The following AUTS2 variants were observed in gnomAD, a reference collection of about 807,000 sequenced individuals.
The protein encoded by AUTS2 is autism susceptibility gene 2 protein.
AUTS2 carries 17 observed loss-of-function variants against 112.4 expected under a neutral mutation model. The observed-to-expected ratio is 0.15, with a 90% CI of 0.10 to 0.23. The LOEUF is 0.23. Among genes scored for constraint, AUTS2 ranks in the 10% least tolerant of loss-of-function variants. The pLI, the probability that AUTS2 is intolerant of heterozygous loss-of-function variation, is 1.00. For missense variants in AUTS2, 1,510 were observed against 1,701.6 expected (o/e 0.89, Z 1.98); for synonymous variants, 751 against 702.7 (o/e 1.07, Z -1.09).
intron 4 of AUTS2, among the ~76,000 whole-genome samples, chr7:70,166,339 G>A (rs1041179769): frequency 6.6e-6 from 1 of 152,232 alleles, no homozygotes. Flanking sequence ...TATATGGCTT[G>A]CAAAGTCTAA....
chr7:70,450,704 A>G (rs1187400724), intron 5 of AUTS2, among the ~76,000 whole-genome samples: 3 of 152,186 alleles, frequency 2.0e-5, no homozygotes, highest in African/African-American at 7.2e-5. Flanking sequence ...AGGAGGATTC[A>G]GGCAGTGGCA....
chr7:69,971,244 G>A (rs1032914204), intron 2 of AUTS2, among the ~76,000 whole-genome samples: 12 of 152,064 alleles, frequency 7.9e-5, no homozygotes, highest in Non-Finnish European at 1.3e-4. Context: ...GAGTCTGGCC[G>A]ACCTGAGTTT....
At chr7:69,988,634 A>G (rs1212989462) in intron 2 of AUTS2, among the ~76,000 whole-genome samples, 2 of 152,194 alleles carry the variant, frequency 1.3e-5, no homozygotes, top group Non-Finnish European at 2.9e-5. Context: ...CACTCAACAA[A>G]TATTTATTGA....
intron 4 of AUTS2, among the ~76,000 whole-genome samples, chr7:70,352,578 A>G (rs994284285): frequency 2.6e-5 from 4 of 152,172 alleles, no homozygotes; most frequent in African/African-American, 4.8e-5. Context: ...CAGCAGCAAC[A>G]GAAGGCAGCA....
chr7:70,013,044 A>G (rs1037046573), intron 2 of AUTS2, among the ~76,000 whole-genome samples: 17 of 152,230 alleles, frequency 1.1e-4, no homozygotes, highest in African/African-American at 2.2e-4. Context: ...GCACATTTCA[A>G]TGAAAACACA....
intron 5 of AUTS2, among the ~76,000 whole-genome samples, chr7:70,640,556 T>C (rs532744938): frequency 5.4e-4 from 80 of 148,700 alleles, no homozygotes; most frequent in Non-Finnish European, 9.5e-4. Context: ...ACTTCTGTGA[T>C]TAGCTCAGAA....
intron 1 of AUTS2, among the ~76,000 whole-genome samples, chr7:69,805,829 A>G (rs1018191368): frequency 6.6e-6 from 1 of 152,236 alleles, no homozygotes; most frequent in African/African-American, 2.4e-5. Context: ...CAGCAGTGAC[A>G]GAAAGTTTTC....
intron 4 of AUTS2, among the ~76,000 whole-genome samples, chr7:70,241,205 A>T (rs996117415): frequency 6.6e-6 from 1 of 152,218 alleles, no homozygotes; most frequent in African/African-American, 2.4e-5. Flanking sequence ...CCTGTGGTAC[A>T]CATTTGTCAT....
chr7:70,073,789 C>G (rs1011675646), intron 2 of AUTS2, among the ~76,000 whole-genome samples: 1 of 152,170 alleles, frequency 6.6e-6, no homozygotes, highest in African/African-American at 2.4e-5. Context: ...CCTTATACAA[C>G]TAAGGGCCCA....
At chr7:70,473,900 A>G (rs1017891957) in intron 5 of AUTS2, among the ~76,000 whole-genome samples, 8 of 152,010 alleles carry the variant, frequency 5.3e-5, no homozygotes, top group African/African-American at 1.7e-4. Context: ...ATGTTACCAG[A>G]TCATATATTT....
At chr7:69,851,598 A>G (rs1792487518) in intron 1 of AUTS2, among the ~76,000 whole-genome samples, 1 of 152,176 alleles carries the variant, frequency 6.6e-6, no homozygotes, top group African/African-American at 2.4e-5. Flanking sequence ...TATCTTTGCT[A>G]TACTGAACTT....
intron 4 of AUTS2, among the ~76,000 whole-genome samples, chr7:70,426,441 C>A (rs1795441017): frequency 6.6e-6 from 1 of 152,168 alleles, no homozygotes; most frequent in Non-Finnish European, 1.5e-5. Flanking sequence ...TTTTACCAGG[C>A]CCATTATGAA....
chr7:69,952,363 T>C (rs1426291408), intron 2 of AUTS2, among the ~76,000 whole-genome samples: 1 of 152,188 alleles, frequency 6.6e-6, no homozygotes, highest in Non-Finnish European at 1.5e-5. Flanking sequence ...GGCAGCAGCA[T>C]GTGTCCTGGG....
intron 4 of AUTS2, among the ~76,000 whole-genome samples, chr7:70,340,380 A>C (rs1284119920): frequency 6.6e-6 from 1 of 152,162 alleles, no homozygotes; most frequent in Non-Finnish European, 1.5e-5. Context: ...CTGAACCCTA[A>C]CAATTCTTTT....
Position 70,762,992 on chromosome 7 carries a change from A to T in AUTS2, c.865A>T (p.Ile289Phe), listed in dbSNP as rs148610030. The change falls in exon 7 of 19, where the codon ATC (isoleucine) becomes TTC (phenylalanine). Residue 289 changes from isoleucine to phenylalanine, a missense_variant. Physicochemically the swap from Ile to Phe is conservative, Grantham distance 21. Around this residue, in one of 3 missense-constraint regions of AUTS2, gnomAD observed 535 missense variants for 594.3 expected, o/e 0.90. Coordinates refer to ENST00000342771, the MANE Select transcript of AUTS2 (RefSeq NM_015570.4). ...EKSQDCCKEP[I>F]FEPVVLKDPC... ...GAGCCAGGACTGTTGCAAAGAGCCA[A>T]TCTTTGAGCCTGTGGTGCTTAAAGA... 1 of 1,613,962 alleles carries T rather than the reference A, an allele frequency of 6.2e-7. No homozygotes were observed. Among genetic ancestry groups the T allele is most frequent in the Non-Finnish European group, 8.5e-7 (1 of 1,180,014 alleles).
intron 1 of AUTS2, among the ~76,000 whole-genome samples, chr7:69,757,755 C>G (rs189619697): frequency 6.6e-6 from 1 of 152,248 alleles, no homozygotes; most frequent in Admixed American, 6.5e-5. Context: ...AGTTTCAACA[C>G]TTTTAATACA....
intron 5 of AUTS2, among the ~76,000 whole-genome samples, chr7:70,526,907 T>C (rs967072965): frequency 2.6e-5 from 4 of 152,258 alleles, no homozygotes; most frequent in Non-Finnish European, 5.9e-5. Context: ...CCCAGCATTG[T>C]GTTTTACATA....
At chr7:70,701,317 G>C (rs1243111267) in intron 6 of AUTS2, among the ~76,000 whole-genome samples, 1 of 152,218 alleles carries the variant, frequency 6.6e-6, no homozygotes, top group African/African-American at 2.4e-5. Context: ...GAGGCAGCAG[G>C]GGCCGTGGCT....
intron 4 of AUTS2, among the ~76,000 whole-genome samples, chr7:70,224,331 GTACAATACAATACAATACAATACAA>G (rs61077173): frequency 0.049 from 6,798 of 138,604 alleles, 389 homozygotes; most frequent in African/African-American, 0.13. Flanking sequence ...ATACAGTACA[GTACAATACAATACAATACAATACAA>G]TACAATACAA....
Sources: gnomAD v4.1 joint callset for allele counts (sites outside exome capture counted in the v4.1 genomes callset) on GRCh38, gnomAD v4.1.1 for gene constraint, gnomAD v4.1.1 regional missense constraint, MANE v1.5 for transcripts, NCBI Gene and HGNC (gene_info 2026-07-23, HGNC 2026-07-21) for gene names.